Variants in ESRRG observed in about 807,000 individuals in gnomAD.
ESRRG encodes the protein estrogen related receptor gamma, also known as estrogen-related receptor gamma.
A neutral mutation model predicts 44.0 loss-of-function variants in ESRRG; 13 were observed. The ratio of observed to expected loss-of-function variants is 0.30; its 90% CI spans 0.19 to 0.47. The LOEUF (loss-of-function observed/expected upper bound fraction) is 0.47. ESRRG is among the 20% of genes least tolerant of loss of function. The pLI is 1.00. For synonymous variants in ESRRG, 215 were observed against 214.6 expected, an observed-to-expected ratio of 1.00 and a Z score of -0.02; for missense variants, 395 against 580.6, an observed-to-expected ratio of 0.68 and a Z score of 3.29.
intron 1 of ESRRG, among the ~76,000 whole-genome samples, chr1:216,984,367 T>C (rs1045491173): frequency 6.6e-6 from 1 of 152,172 alleles, no homozygotes; most frequent in African/African-American, 2.4e-5. Context: ...AATAGCTCCC[T>C]AAACATAAAA....
At chr1:216,727,341 A>G (rs1348965768), upstream of ESRRG, among the ~76,000 whole-genome samples, 1 of 152,156 alleles carries the variant, frequency 6.6e-6, no homozygotes, top group Non-Finnish European at 1.5e-5. Context: ...AACCAAGACA[A>G]TTACAAACTA....
At chr1:217,075,706 A>G (rs2091207637) in intron 1 of ESRRG, among the ~76,000 whole-genome samples, 1 of 152,014 alleles carries the variant, frequency 6.6e-6, no homozygotes, top group Admixed American at 6.6e-5. Context: ...ATATTCTGAA[A>G]CATTTTTCAG....
chr1:217,029,621 T>C (rs963877718), intron 1 of ESRRG, among the ~76,000 whole-genome samples: 10 of 152,206 alleles, frequency 6.6e-5, no homozygotes, highest in African/African-American at 2.2e-4. Context: ...TAGACCACAC[T>C]TGGCTTTAAC....
At chr1:217,095,676 T>C (rs1032846797) in intron 1 of ESRRG, among the ~76,000 whole-genome samples, 1 of 152,260 alleles carries the variant, frequency 6.6e-6, no homozygotes, top group African/African-American at 2.4e-5. Context: ...GAATTTGGTT[T>C]AAAATGTTAG....
At position 216,978,266 on chromosome 1, in the gene ESRRG, A is replaced by G. The variant is rs2073331979; in HGVS notation, c.-105-38593T>C. ...GTTTTATTGGGACACAGCCATACTC[A>G]TTCATTTCCATATTGCCTAAAGCTA... On this transcript the variant is annotated intron_variant, in intron 1 of 7. Transcript: ENST00000359162. Among the ~76,000 whole-genome samples, 3 of 152,152 alleles carry G rather than the reference A, an allele frequency of 2.0e-5. No individual in the cohort carries two copies. The East Asian group carries it at 5.8e-4, about 29-fold the overall frequency.
chr1:216,674,679 G>C (rs1408645501), intron 2 of ESRRG, among the ~76,000 whole-genome samples: 1 of 142,690 alleles, frequency 7.0e-6, no homozygotes, highest in Non-Finnish European at 1.5e-5. Context: ...GTGCAATCAT[G>C]GCTCACTGCA....
At chr1:216,579,278 C>G (rs1487934625) in intron 3 of ESRRG, among the ~76,000 whole-genome samples, 2 of 152,104 alleles carry the variant, frequency 1.3e-5, no homozygotes, top group Non-Finnish European at 1.5e-5. Context: ...CTCTGAGCAA[C>G]TAGGTCTTAA....
chr1:216,788,370 G>A (rs964897379), intron 2 of ESRRG, among the ~76,000 whole-genome samples: 2 of 152,116 alleles, frequency 1.3e-5, no homozygotes, highest in African/African-American at 4.8e-5. Context: ...GGGCCCTTAA[G>A]AATGATCCTA....
chr1:216,647,516 A>G (rs2067892304), intron 3 of ESRRG, among the ~76,000 whole-genome samples: 1 of 152,200 alleles, frequency 6.6e-6, no homozygotes, highest in Non-Finnish European at 1.5e-5. Context: ...TTCTAACATT[A>G]AAATCAAATG....
intron 2 of ESRRG, among the ~76,000 whole-genome samples, chr1:216,658,987 G>C (rs1272610589): frequency 6.6e-6 from 1 of 152,142 alleles, no homozygotes; most frequent in Non-Finnish European, 1.5e-5. Flanking sequence ...CCATGTTATT[G>C]GCTGTGTGAA....
chr1:217,070,477 G>A (rs1199181954), intron 1 of ESRRG, among the ~76,000 whole-genome samples: 1 of 152,048 alleles, frequency 6.6e-6, no homozygotes, highest in Non-Finnish European at 1.5e-5. Context: ...TGCTTCCCAG[G>A]TTCAAGCGAT....
At chr1:216,895,488 C>T (rs2058316721) in intron 2 of ESRRG, among the ~76,000 whole-genome samples, 1 of 152,152 alleles carries the variant, frequency 6.6e-6, no homozygotes, top group South Asian at 2.1e-4. Flanking sequence ...TAAATAGAGT[C>T]TCTCTTTGAG....
intron 1 of ESRRG, among the ~76,000 whole-genome samples, chr1:216,716,290 T>C (rs530266508): frequency 1.3e-5 from 2 of 152,198 alleles, no homozygotes; most frequent in Admixed American, 1.3e-4. Context: ...TTGCTATCTA[T>C]GCTATCTGTA....
At chr1:217,002,887 C>T (rs2077229390) in intron 1 of ESRRG, among the ~76,000 whole-genome samples, 1 of 152,046 alleles carries the variant, frequency 6.6e-6, no homozygotes, top group African/African-American at 2.4e-5. Flanking sequence ...CCATGAGTGA[C>T]CATGAGCCAG....
intron 2 of ESRRG, among the ~76,000 whole-genome samples, chr1:216,747,800 A>G (rs35162334): frequency 0.017 from 2,639 of 152,292 alleles, 36 homozygotes; most frequent in Non-Finnish European, 0.023. Context: ...TTATTAATCT[A>G]TGAAAACAGT....
intron 1 of ESRRG, among the ~76,000 whole-genome samples, chr1:217,102,420 T>G (rs1261466286): frequency 1.3e-5 from 2 of 152,218 alleles, no homozygotes; most frequent in African/African-American, 4.8e-5. Context: ...ATGATAATCT[T>G]ATGATGTACA....
intron 3 of ESRRG, among the ~76,000 whole-genome samples, chr1:216,576,673 A>G (rs934827534): frequency 1.3e-5 from 2 of 152,044 alleles, no homozygotes; most frequent in Non-Finnish European, 2.9e-5. Context: ...TGCTAAATTT[A>G]TAATCTGCAC....
chr1:217,088,363 T>G (rs1295303293), intron 1 of ESRRG, among the ~76,000 whole-genome samples: 1 of 150,718 alleles, frequency 6.6e-6, no homozygotes, highest in African/African-American at 2.4e-5. Flanking sequence ...ACAGCTTCTC[T>G]TAACCCACAT....
intron 4 of ESRRG, among the ~76,000 whole-genome samples, chr1:216,567,585 A>T (rs989643001): frequency 6.6e-6 from 1 of 152,196 alleles, no homozygotes; most frequent in African/African-American, 2.4e-5. Flanking sequence ...AGTTAGTGAA[A>T]ACTACAAAAA....
Sources: allele counts gnomAD v4.1 joint callset (sites outside exome capture counted in the v4.1 genomes callset), GRCh38; gene constraint gnomAD v4.1.1; transcripts MANE v1.5; gene names NCBI Gene and HGNC (gene_info 2026-07-23, HGNC 2026-07-21).